Variants in USH2A observed in about 807,000 individuals in gnomAD.
The protein encoded by USH2A is Usher syndrome 2A (autosomal recessive, mild).
USH2A carries 443 observed loss-of-function variants against 538.9 expected under a neutral mutation model. The observed-to-expected ratio is 0.82, with a 90% CI of 0.76 to 0.89. USH2A has a LOEUF of 0.89. Among genes scored for constraint, USH2A ranks in the 40% least tolerant of loss-of-function variants. USH2A has a pLI of 0.00. For synonymous variants in USH2A, 2,413 were observed against 2,273.5 expected, an observed-to-expected ratio of 1.06 and a Z score of -1.75; for missense variants, 6,633 against 6,324.8, an observed-to-expected ratio of 1.05 and a Z score of -1.65.
intron 11 of USH2A, among the ~76,000 whole-genome samples, chr1:216,273,925 A>C (rs2036622101): frequency 6.6e-6 from 1 of 152,082 alleles, no homozygotes; most frequent in African/African-American, 2.4e-5. Flanking sequence ...ACAAATCTAT[A>C]GTCAGCAACT....
chr1:215,657,247 T>C (rs557749872), intron 64 of USH2A, among the ~76,000 whole-genome samples: 6 of 152,338 alleles, frequency 3.9e-5, no homozygotes, highest in African/African-American at 1.4e-4. Context: ...AACCTTGGAG[T>C]ACATTTTCCC....
rs533973510 is a variant in USH2A at position 215,701,236 on chromosome 1, T to C, written c.12067-20860A>G. Among the ~76,000 whole-genome samples the C allele has an allele frequency of 3.3e-5, 5 of 152,290 alleles. No individual in the cohort carries two copies. In the East Asian group the frequency reaches 7.7e-4, roughly 23 times the overall value. On this transcript the variant is annotated intron_variant, in intron 61 of 71. Coordinates refer to ENST00000307340, the MANE Select transcript of USH2A (RefSeq NM_206933.4). ...GTTTTACTTCCAATTATGTGGTCAGTTTTAGAATAAGTGTGATGTGGTGCT... is the reference window on the plus strand; with the variant it reads ...GTTTTACTTCCAATTATGTGGTCAGCTTTAGAATAAGTGTGATGTGGTGCT...
chr1:215,766,530 G>C, intron 56 of USH2A, 151 bp downstream of exon 56: 1 of 746,710 alleles, frequency 1.3e-6, no homozygotes, highest in South Asian at 1.5e-5. Context: ...CATGAATCAA[G>C]CCTGAAGAAT....
At chr1:216,215,402 C>T (rs773735253) in intron 15 of USH2A, among the ~76,000 whole-genome samples, 18 of 152,106 alleles carry the variant, frequency 1.2e-4, no homozygotes, top group Non-Finnish European at 2.2e-4. Flanking sequence ...TTTGTGAAGC[C>T]AATTGTTCTG....
intron 38 of USH2A, among the ~76,000 whole-genome samples, chr1:215,928,196 T>TA (rs1375423584): frequency 1.3e-5 from 2 of 152,186 alleles, no homozygotes; most frequent in Admixed American, 1.3e-4. Context: ...GATTTTTTTT[T>TA]AAATCACCTA....
rs745480430 is a variant in USH2A, at chr1:215,888,769, A to G, written c.7880T>C (p.Ile2627Thr). 6.2e-7 allele frequency: 1 copy of G among 1,614,042 alleles called. No individual in the cohort carries two copies. Among genetic ancestry groups the G allele is most frequent in the East Asian group, 2.2e-5 (1 of 44,864 alleles). Residue 2627 changes from isoleucine (I) to threonine (T), a missense_variant, in exon 41 of 72, where the codon ATC (isoleucine) becomes ACC (threonine). Coordinates refer to ENST00000307340, the MANE Select transcript of USH2A (RefSeq NM_206933.4). ...ATCAGAGAACAGCTCTGGACTTGGG[A>G]TCCCTTCCGGTGCCCCTGGGAGTGT... ...VWTLPGAPEG[I>T]PSPELFSDTP...
intron 7 of USH2A, 135 bp from the exon 8 acceptor site, chr1:216,323,830 A>G (rs1352437642): frequency 8.6e-6 from 7 of 816,078 alleles, no homozygotes; most frequent in South Asian, 4.9e-5. Flanking sequence ...CATATTCCAT[A>G]TATTTCATAT....
At chr1:215,830,441 G>A (rs2102808799) in intron 47 of USH2A, among the ~76,000 whole-genome samples, 1 of 152,006 alleles carries the variant, frequency 6.6e-6, no homozygotes, top group South Asian at 2.1e-4. Context: ...GAATGTGGGG[G>A]AAGTCCTTGT....
intron 19 of USH2A, among the ~76,000 whole-genome samples, chr1:216,191,339 T>C (rs531764713): frequency 6.6e-6 from 1 of 152,126 alleles, no homozygotes; most frequent in South Asian, 2.1e-4. Flanking sequence ...ACTTTCTCTT[T>C]AGGGGTAAAA....
At chr1:215,890,978 G>A (rs1454965445) in intron 40 of USH2A, among the ~76,000 whole-genome samples, 1 of 152,036 alleles carries the variant, frequency 6.6e-6, no homozygotes, top group Admixed American at 6.6e-5. Context: ...TTTCATCTGG[G>A]TCTTGCATAA....
intron 47 of USH2A, among the ~76,000 whole-genome samples, chr1:215,832,704 A>G (rs1663358992): frequency 6.6e-6 from 1 of 151,990 alleles, no homozygotes; most frequent in Admixed American, 6.6e-5. Context: ...AGTCAAGGAT[A>G]TGCTCTTATC....
At chr1:216,379,196 A>C (rs1239162520) in intron 3 of USH2A, among the ~76,000 whole-genome samples, 1 of 152,102 alleles carries the variant, frequency 6.6e-6, no homozygotes, top group Non-Finnish European at 1.5e-5. Context: ...AGTCACACCC[A>C]CATGTCCCCT....
chr1:215,640,463 G>A, intron 68 of USH2A, 95 bp downstream of exon 68: 1 of 1,512,216 alleles, frequency 6.6e-7, no homozygotes, highest in Non-Finnish European at 9.1e-7. Flanking sequence ...ACATTTTAAT[G>A]GTGAGCATCT....
At chr1:216,103,071 A>G (rs866107655) in intron 21 of USH2A, among the ~76,000 whole-genome samples, 110 of 152,376 alleles carry the variant, frequency 7.2e-4, no homozygotes, top group African/African-American at 2.6e-3. Context: ...CTAAGTACAC[A>G]GGAATATATA....
chr1:216,292,038 T>G (rs2037010648), intron 10 of USH2A, 137 bp downstream of exon 10: 1 of 980,020 alleles, frequency 1.0e-6, no homozygotes, highest in Non-Finnish European at 1.5e-6. Context: ...TTTGGTGAAC[T>G]AGCTTTGATT....
chr1:216,144,347 CT>C (rs948857643), intron 21 of USH2A, among the ~76,000 whole-genome samples: 36 of 146,552 alleles, frequency 2.5e-4, no homozygotes, highest in South Asian at 1.3e-3. Flanking sequence ...GGGTTTTTTG[CT>C]TTTTTTTTTA....
In USH2A at chr1:215,711,799, C is replaced by A. The variant is rs77704457; in HGVS notation, c.12066+16231G>T. On this transcript the variant is annotated intron_variant, in intron 61 of 71. Transcript: ENST00000307340. ...TGTAATGTGCTGACAACATATTGAC[C>A]ACACTCTATTTCACAAGATTTAAAA... Among the ~76,000 whole-genome samples, 591 of 152,194 alleles carry A rather than the reference C, an allele frequency of 3.9e-3. 4 individuals carry two copies. The highest frequency in any genetic ancestry group is 0.014 in the African/African-American group (566 of 41,504).
In USH2A at chr1:215,867,086, A is replaced by G. The variant is rs1664491158; in HGVS notation, c.8766T>C (p.Ala2922=). Residue 2922 remains alanine (A), a synonymous_variant, in exon 44 of 72, where the codon GCT becomes GCC. Transcript: ENST00000307340. ...PSREVTVTTL[A]GLPERGANLT... ...GATTGGCTCCTCTCTCTGGAAGACCAGCTAACGTTGTCACAGTCACTTCTC... is the reference window on the plus strand; with the variant it reads ...GATTGGCTCCTCTCTCTGGAAGACCGGCTAACGTTGTCACAGTCACTTCTC... The G allele has an allele frequency of 3.7e-6, 6 of 1,614,216 alleles. No homozygotes were observed. Among genetic ancestry groups the G allele is most frequent in the Non-Finnish European group, 4.2e-6 (5 of 1,180,020 alleles).
At chr1:216,261,660 T>C (rs2036375121) in intron 11 of USH2A, among the ~76,000 whole-genome samples, 1 of 152,062 alleles carries the variant, frequency 6.6e-6, no homozygotes, top group Non-Finnish European at 1.5e-5. Flanking sequence ...TTAAAAGGCT[T>C]AATGGCTGGC....
Sources: gnomAD v4.1 joint callset for allele counts (sites outside exome capture counted in the v4.1 genomes callset) on GRCh38, gnomAD v4.1.1 for gene constraint, MANE v1.5 for transcripts, NCBI Gene and HGNC (gene_info 2026-07-23, HGNC 2026-07-21) for gene names.